Variants in C4orf51 observed in about 807,000 individuals in gnomAD.
C4orf51 encodes the protein uncharacterized protein C4orf51.
In C4orf51, 25 loss-of-function variants were observed where a neutral mutation model predicts 25.2. The observed-to-expected ratio is 0.99, with a 90% CI of 0.72 to 1.39. C4orf51 has a LOEUF of 1.39. C4orf51 is among the 40% of genes most tolerant of loss of function. C4orf51 has a pLI of 0.00. For synonymous variants in C4orf51, 100 were observed against 84.5 expected (o/e 1.18, Z -1.01); for missense variants, 252 against 239.6 (o/e 1.05, Z -0.34).
intron 1 of C4orf51, among the ~76,000 whole-genome samples, chr4:145,738,704 A>G (rs1038796447): frequency 5.3e-5 from 8 of 151,912 alleles, no homozygotes; most frequent in African/African-American, 1.7e-4. Context: ...CAGTGGTATG[A>G]TCTCAGCTCA....
At chr4:145,737,391 T>A (rs1277382612), downstream of C4orf51, among the ~76,000 whole-genome samples, 3 of 152,232 alleles carry the variant, frequency 2.0e-5, no homozygotes, top group Non-Finnish European at 2.9e-5. Flanking sequence ...AAATAAAGAA[T>A]TATTATCTTC....
chr4:145,743,546 A>G (rs565615599), intron 1 of C4orf51, among the ~76,000 whole-genome samples: 1 of 152,366 alleles, frequency 6.6e-6, no homozygotes, highest in East Asian at 1.9e-4. Flanking sequence ...GTCTCTCAAC[A>G]CAGCTACATT....
At chr4:145,727,705 A>C (rs1438589722) in intron 3 of C4orf51, among the ~76,000 whole-genome samples, 2 of 148,964 alleles carry the variant, frequency 1.3e-5, no homozygotes, top group African/African-American at 4.9e-5. Flanking sequence ...GTGAAACCCC[A>C]TCTCTACTAA....
At chr4:145,692,650 T>C (rs1297183839) in intron 1 of C4orf51, among the ~76,000 whole-genome samples, 1 of 152,210 alleles carries the variant, frequency 6.6e-6, no homozygotes, top group African/African-American at 2.4e-5. Flanking sequence ...TATAGGAATA[T>C]TTTAGGGCTC....
intron 1 of C4orf51, among the ~76,000 whole-genome samples, chr4:145,737,971 AAT>A (rs1732891864): frequency 1.3e-5 from 2 of 152,324 alleles, no homozygotes; most frequent in Middle Eastern, 6.8e-3. Flanking sequence ...TGTATAGTAA[AAT>A]GCTGAGGAAG....
chr4:145,746,074 T>C (rs1402799608), intron 1 of C4orf51, among the ~76,000 whole-genome samples: 4 of 152,194 alleles, frequency 2.6e-5, no homozygotes, highest in Non-Finnish European at 5.9e-5. Context: ...TATTATAATT[T>C]TTTTTCTATG....
intron 1 of C4orf51, among the ~76,000 whole-genome samples, chr4:145,689,992 G>A (rs934795767): frequency 2.0e-5 from 3 of 149,888 alleles, no homozygotes; most frequent in African/African-American, 4.9e-5. Context: ...ATTACCTGAG[G>A]TCAGGAGTTC....
the C4orf51 span, among the ~76,000 whole-genome samples, chr4:145,788,898 A>G: frequency 6.6e-6 from 1 of 152,320 alleles, no homozygotes. Flanking sequence ...ACTGATGTTT[A>G]TTTACTCAAT....
intron 1 of C4orf51, among the ~76,000 whole-genome samples, chr4:145,738,613 C>T (rs1732938043): frequency 1.3e-5 from 2 of 151,812 alleles, no homozygotes; most frequent in Admixed American, 1.3e-4. Flanking sequence ...CATAAGACTA[C>T]TTTAAATTAA....
downstream of C4orf51, among the ~76,000 whole-genome samples, chr4:145,756,880 T>G (rs997580907): frequency 1.3e-5 from 2 of 152,232 alleles, no homozygotes; most frequent in African/African-American, 4.8e-5. Context: ...AAAGTAAATT[T>G]GATCTTTTTA....
intron 2 of C4orf51, among the ~76,000 whole-genome samples, chr4:145,703,728 T>A (rs1284579607): frequency 6.6e-6 from 1 of 152,216 alleles, no homozygotes. Flanking sequence ...AGTTTCTTGT[T>A]TTCAGGTCTT....
intron 2 of C4orf51, among the ~76,000 whole-genome samples, chr4:145,698,377 G>A (rs1730206274): frequency 6.6e-6 from 1 of 152,206 alleles, no homozygotes; most frequent in Non-Finnish European, 1.5e-5. Context: ...CATGTAAGAT[G>A]TACATTGGTT....
chr4:145,680,328 A>AG lies in C4orf51; in HGVS notation c.125_126insG (p.Asp42GlufsTer27), dbSNP rs1355764094. The AG allele has an allele frequency of 1.2e-6, 2 of 1,613,894 alleles. No homozygotes were observed. The highest frequency in any genetic ancestry group is 1.7e-6 in the Non-Finnish European group (2 of 1,179,878). On this transcript the variant is annotated frameshift_variant, in exon 1 of 6. Coordinates refer to ENST00000438731, the MANE Select transcript of C4orf51 (RefSeq NM_001080531.3). LOFTEE classifies it high-confidence loss of function. ...TGGCAGGATGAAACACGATGGTCAG[A>AG]TTCTTCCGTGACAACATACACAGGC...
rs138594062 is a variant in C4orf51 at position 145,720,263 on chromosome 4, C to T, written c.308-6648C>T. On this transcript the variant is annotated intron_variant, in intron 2 of 5. Coordinates refer to ENST00000438731, the MANE Select transcript of C4orf51 (RefSeq NM_001080531.3). ...TGGGAGAGACTCACAGCTCCCCAGCCAAGGCTTTCTCACACCCAGGCCAGC... is the reference window on the plus strand; with the variant it reads ...TGGGAGAGACTCACAGCTCCCCAGCTAAGGCTTTCTCACACCCAGGCCAGC... Among the ~76,000 whole-genome samples the T allele has an allele frequency of 2.0e-5, 3 of 152,258 alleles. No individual in the cohort carries two copies. In the East Asian group the frequency reaches 5.8e-4, roughly 29 times the overall value.
At chr4:145,764,987 CT>C in intron 1 of C4orf51, 1 of 1,611,978 alleles carries the variant, frequency 6.2e-7, no homozygotes, top group South Asian at 1.1e-5. Context: ...GCTTTCCTTA[CT>C]TGAGCCCACC....
chr4:145,705,122 C>G (rs1384021318), intron 2 of C4orf51, among the ~76,000 whole-genome samples: 1 of 152,192 alleles, frequency 6.6e-6, no homozygotes, highest in Non-Finnish European at 1.5e-5. Flanking sequence ...TATACATGCT[C>G]ATTTGAGGCA....
At chr4:145,712,148 C>T (rs989911512) in intron 2 of C4orf51, among the ~76,000 whole-genome samples, 1 of 152,132 alleles carries the variant, frequency 6.6e-6, no homozygotes, top group African/African-American at 2.4e-5. Flanking sequence ...TCCCCTTGGG[C>T]CCCCCACTTC....
chr4:145,703,263 C>CTCA (rs1157003302), intron 2 of C4orf51, among the ~76,000 whole-genome samples: 5 of 151,942 alleles, frequency 3.3e-5, no homozygotes, highest in Non-Finnish European at 7.4e-5. Flanking sequence ...CTTTTCCTGG[C>CTCA]TCATCCTGGC....
In C4orf51 at chr4:145,729,922, C is replaced by G. The variant is rs750999716; in HGVS notation, c.458C>G (p.Ala153Gly). The G allele has an allele frequency of 6.2e-7, 1 of 1,613,900 alleles. No individual in the cohort carries two copies. Among genetic ancestry groups the G allele is most frequent in the Non-Finnish European group, 8.5e-7 (1 of 1,179,846 alleles). The change falls in exon 5 of 6, where the codon GCC becomes GGC. Residue 153 changes from alanine (A) to glycine (G), a missense_variant. Ala to Gly is a moderately conservative substitution (Grantham distance 60). Coordinates refer to ENST00000438731, the MANE Select transcript of C4orf51 (RefSeq NM_001080531.3). Reference sequence around the variant, plus strand: ...AGACCTAAAAAGCCAGCACAGGAGGCCCTGATAAACTACAGTCGACGAGGG... The same window carrying G: ...AGACCTAAAAAGCCAGCACAGGAGGGCCTGATAAACTACAGTCGACGAGGG... ...CVRPKKPAQE[A>G]LINYSRRGKG...
Sources: gnomAD v4.1 joint callset for allele counts (sites outside exome capture counted in the v4.1 genomes callset) on GRCh38, gnomAD v4.1.1 for gene constraint, MANE v1.5 for transcripts, NCBI Gene and HGNC (gene_info 2026-07-23, HGNC 2026-07-21) for gene names.